The following PRKG1 variants were observed in gnomAD, a reference collection of about 807,000 sequenced individuals.
The protein encoded by PRKG1 is cGMP-dependent protein kinase 1.
Under a neutral mutation model 88.1 loss-of-function variants are expected in PRKG1, and 35 were observed. The observed-to-expected ratio is 0.40, with a 90% CI of 0.30 to 0.53. The LOEUF is 0.53. Ranked by LOEUF, PRKG1 falls within the 20% of genes least tolerant of loss-of-function variation. The pLI is 0.59. For missense variants in PRKG1, 540 were observed against 839.8 expected (o/e 0.64, Z 4.41); for synonymous variants, 303 against 292.5 (o/e 1.04, Z -0.37).
chr10:52,030,686 T>G (rs1845453244), intron 5 of PRKG1, among the ~76,000 whole-genome samples: 1 of 152,168 alleles, frequency 6.6e-6, no homozygotes, highest in Non-Finnish European at 1.5e-5. Flanking sequence ...CGTGCTTCAG[T>G]TATCACATAG....
intron 3 of PRKG1, among the ~76,000 whole-genome samples, chr10:51,601,183 T>G (rs1838589230): frequency 6.6e-6 from 1 of 152,170 alleles, no homozygotes; most frequent in African/African-American, 2.4e-5. Context: ...TGTTCACAGT[T>G]GTATTCCCAA....
intron 5 of PRKG1, among the ~76,000 whole-genome samples, chr10:51,988,515 A>C (rs528067856): frequency 1.3e-5 from 2 of 152,228 alleles, no homozygotes; most frequent in South Asian, 4.1e-4. Flanking sequence ...ATTTTTCCAC[A>C]TTATCACCAA....
At chr10:51,626,900 C>CT (rs1839351005) in intron 3 of PRKG1, among the ~76,000 whole-genome samples, 2 of 152,022 alleles carry the variant, frequency 1.3e-5, no homozygotes, top group African/African-American at 2.4e-5. Flanking sequence ...GTTCAGGGCT[C>CT]TTTTTTTGTT....
At chr10:51,376,307 T>C (rs1031642296) in intron 2 of PRKG1, among the ~76,000 whole-genome samples, 3 of 152,246 alleles carry the variant, frequency 2.0e-5, no homozygotes, top group Admixed American at 2.0e-4. Flanking sequence ...TTATACATAG[T>C]TCCAATCACA....
intron 5 of PRKG1, among the ~76,000 whole-genome samples, chr10:51,988,731 T>TA (rs1302712925): frequency 6.6e-6 from 1 of 152,052 alleles, no homozygotes; most frequent in Non-Finnish European, 1.5e-5. Context: ...TGTTGATTGG[T>TA]AAAATTTTTT....
chr10:51,191,204 A>T (rs925359010), intron 2 of PRKG1, among the ~76,000 whole-genome samples: 1 of 151,876 alleles, frequency 6.6e-6, no homozygotes, highest in South Asian at 2.1e-4. Flanking sequence ...TTCTCAGAAA[A>T]TAATACTCAG....
chr10:51,637,262 A>T (rs1306423783), intron 3 of PRKG1, among the ~76,000 whole-genome samples: 1 of 152,208 alleles, frequency 6.6e-6, no homozygotes, highest in Admixed American at 6.5e-5. Flanking sequence ...AAAAGTCAAA[A>T]AAACAACAGA....
intron 1 of PRKG1, among the ~76,000 whole-genome samples, chr10:51,100,907 G>T (rs1016044896): frequency 5.9e-5 from 9 of 152,174 alleles, no homozygotes; most frequent in African/African-American, 2.2e-4. Flanking sequence ...GTGAAAAAAG[G>T]GTGATTCTGA....
intron 3 of PRKG1, among the ~76,000 whole-genome samples, chr10:51,592,043 G>A (rs1391583476): frequency 6.6e-6 from 1 of 152,110 alleles, no homozygotes; most frequent in Non-Finnish European, 1.5e-5. Context: ...TGAGCTGCTG[G>A]ACAGTTTTTC....
chr10:51,126,664 T>A (rs1845430899), intron 1 of PRKG1, among the ~76,000 whole-genome samples: 2 of 151,662 alleles, frequency 1.3e-5, no homozygotes, highest in Non-Finnish European at 2.9e-5. Context: ...GCCAAGACAA[T>A]CCTAAGCAAA....
At chr10:51,646,717 T>C (rs1839923025) in intron 3 of PRKG1, among the ~76,000 whole-genome samples, 1 of 151,908 alleles carries the variant, frequency 6.6e-6, no homozygotes, top group Admixed American at 6.6e-5. Flanking sequence ...TATCTCCATG[T>C]ATTTTTTAAC....
intron 4 of PRKG1, among the ~76,000 whole-genome samples, chr10:51,835,686 A>G (rs917196461): frequency 2.0e-5 from 3 of 152,230 alleles, no homozygotes; most frequent in Non-Finnish European, 4.4e-5. Flanking sequence ...TAATGCTGCA[A>G]TGAACATGGG....
chr10:51,719,257 A>G (rs1279517551), intron 3 of PRKG1, among the ~76,000 whole-genome samples: 1 of 152,162 alleles, frequency 6.6e-6, no homozygotes, highest in Non-Finnish European at 1.5e-5. Context: ...GGCAGGTTTT[A>G]GTGACTCACT....
At chr10:51,158,641 TCTC>T (rs886612093) in intron 2 of PRKG1, among the ~76,000 whole-genome samples, 4 of 151,990 alleles carry the variant, frequency 2.6e-5, no homozygotes, top group African/African-American at 4.8e-5. Flanking sequence ...CCATTCCTCT[TCTC>T]TTATTAGTTC....
chr10:51,270,431 C>T (rs904060431), intron 2 of PRKG1, among the ~76,000 whole-genome samples: 9 of 152,064 alleles, frequency 5.9e-5, no homozygotes, highest in Non-Finnish European at 1.3e-4. Flanking sequence ...CCTTCAAATA[C>T]CTTTCCATAG....
Position 51,545,904 on chromosome 10 carries a change from C to A in PRKG1, c.592+78068C>A, listed in dbSNP as rs773346300. Among the ~76,000 whole-genome samples the A allele has an allele frequency of 1.0e-3, 158 of 151,972 alleles. 3 individuals are homozygous for A. In the Middle Eastern group the frequency reaches 0.044, roughly 43 times the overall value. ...TCCCCCTACACCCCCACCCAGCACC[C>A]CCTGTTTCTCTCCTTCTCTTTTTTT... On this transcript the variant is annotated intron_variant, in intron 3 of 17. Coordinates refer to ENST00000373980, the MANE Select transcript of PRKG1 (RefSeq NM_006258.4).
chr10:51,625,676 TGGA>T (rs1407629899), intron 3 of PRKG1, among the ~76,000 whole-genome samples: 1 of 151,722 alleles, frequency 6.6e-6, no homozygotes, highest in Non-Finnish European at 1.5e-5. Flanking sequence ...TTAAAATGGG[TGGA>T]GTTTATGATA....
intron 3 of PRKG1, among the ~76,000 whole-genome samples, chr10:51,578,833 A>G (rs1405503328): frequency 6.6e-6 from 1 of 151,976 alleles, no homozygotes; most frequent in Non-Finnish European, 1.5e-5. Flanking sequence ...AGAATCTTTG[A>G]AATAATTATG....
intron 3 of PRKG1, among the ~76,000 whole-genome samples, chr10:51,558,307 T>G (rs1837365909): frequency 6.6e-6 from 1 of 152,110 alleles, no homozygotes; most frequent in Non-Finnish European, 1.5e-5. Flanking sequence ...CCTAGTGAAT[T>G]TGTGGTTAAA....
Sources: allele counts gnomAD v4.1 joint callset (sites outside exome capture counted in the v4.1 genomes callset), GRCh38; gene constraint gnomAD v4.1.1; transcripts MANE v1.5; gene names NCBI Gene and HGNC (gene_info 2026-07-23, HGNC 2026-07-21).